The following CTCF variants were observed in gnomAD, a reference collection of about 807,000 sequenced individuals.
CTCF encodes the protein transcriptional repressor CTCF.
CTCF carries 7 observed loss-of-function variants against 72.3 expected under a neutral mutation model. The ratio of observed to expected loss-of-function variants is 0.10; its 90% CI spans 0.06 to 0.18. The LOEUF (loss-of-function observed/expected upper bound fraction) is 0.18, where lower values mean the gene tolerates loss of function less well. Among genes scored for constraint, CTCF ranks in the 10% least tolerant of loss-of-function variants. The pLI is 1.00. For synonymous variants in CTCF, 374 were observed against 315.8 expected (o/e 1.18, Z -1.95); for missense variants, 516 against 949.1 (o/e 0.54, Z 6.00).
intron 2 of CTCF, among the ~76,000 whole-genome samples, chr16:67,589,629 C>T (rs926913201): frequency 2.6e-5 from 4 of 152,146 alleles, no homozygotes; most frequent in African/African-American, 9.7e-5. Context: ...AAGGAGCTCC[C>T]TAAGAACTGA....
intron 3 of CTCF, 88 bp downstream of exon 3, chr16:67,611,701 C>T (rs918507738): frequency 4.6e-6 from 6 of 1,309,774 alleles, no homozygotes; most frequent in African/African-American, 1.5e-5. Context: ...TTTATATTAA[C>T]CGTATTTGTA....
chr16:67,607,304 G>T (rs2051987245), intron 2 of CTCF, among the ~76,000 whole-genome samples: 1 of 149,296 alleles, frequency 6.7e-6, no homozygotes, highest in Admixed American at 6.7e-5. Flanking sequence ...ATTTTTGTTT[G>T]TTTTTTATTT....
At chr16:67,634,386 T>G (rs2052402340) in intron 10 of CTCF, among the ~76,000 whole-genome samples, 1 of 152,072 alleles carries the variant, frequency 6.6e-6, no homozygotes, top group African/African-American at 2.4e-5. Context: ...TTTTGTATTT[T>G]TAGTAGAGAT....
At chr16:67,621,883 G>GCTT (rs2052204069) in intron 7 of CTCF, among the ~76,000 whole-genome samples, 1 of 151,184 alleles carries the variant, frequency 6.6e-6, no homozygotes, top group East Asian at 1.9e-4. Context: ...TTAATTAGTA[G>GCTT]CCTTCCTTCC....
At chr16:67,635,103 C>T (rs1320799535) in intron 10 of CTCF, among the ~76,000 whole-genome samples, 2 of 151,964 alleles carry the variant, frequency 1.3e-5, no homozygotes, top group Non-Finnish European at 2.9e-5. Flanking sequence ...CTCACTGCAA[C>T]CTCTGCCTCC....
At position 67,628,519 on chromosome 16, in the gene CTCF, C is replaced by G; in HGVS notation, c.1668C>G (p.Val556=). The change falls in exon 9 of 12, where the codon GTC becomes GTG. Residue 556 remains valine, a synonymous_variant. Coordinates refer to ENST00000264010, the MANE Select transcript of CTCF (RefSeq NM_006565.4). ...HDPNFVPAAF[V]CSKCGKTFTR... ...CCAACTTCGTCCCTGCGGCTTTTGTCTGTTCTAAGTGTGGGAAAACATTTA... is the reference window on the plus strand; with the variant it reads ...CCAACTTCGTCCCTGCGGCTTTTGTGTGTTCTAAGTGTGGGAAAACATTTA... The G allele has an allele frequency of 6.2e-7, 1 of 1,614,228 alleles. No homozygotes were observed. The highest frequency in any genetic ancestry group is 8.5e-7 in the Non-Finnish European group (1 of 1,180,052).
intron 2 of CTCF, among the ~76,000 whole-genome samples, chr16:67,593,227 A>C (rs953752862): frequency 6.6e-6 from 1 of 151,824 alleles, no homozygotes; most frequent in African/African-American, 2.4e-5. Context: ...TACATGTCCA[A>C]GTTTTTTTGT....
At chr16:67,569,360 A>G (rs985236552) in intron 1 of CTCF, among the ~76,000 whole-genome samples, 2 of 147,634 alleles carry the variant, frequency 1.4e-5, no homozygotes, top group Non-Finnish European at 3.0e-5. Flanking sequence ...TAATTTTTGT[A>G]TTTTTAGTAG....
chr16:67,578,043 C>T (rs1156918029), intron 2 of CTCF, among the ~76,000 whole-genome samples: 1 of 152,106 alleles, frequency 6.6e-6, no homozygotes, highest in Non-Finnish European at 1.5e-5. Context: ...TATTAATAGT[C>T]TGGTGTGTTG....
rs397751172 is a variant in CTCF, at chr16:67,621,767, T to TC, written c.1357+177dup. On this transcript the variant is annotated intron_variant, in intron 7 of 11. Coordinates refer to ENST00000264010, the MANE Select transcript of CTCF (RefSeq NM_006565.4). The stretch of plus-strand genomic sequence containing the variant: ...TAGCTGCTTTTTTTTTTTTTTTTTT[T>TC]CTATTTCTTCCTTTTCTTACTGTAG... Among the ~76,000 whole-genome samples, 53 of 149,876 alleles carry TC rather than the reference T, an allele frequency of 3.5e-4. 1 individual carries two copies. Among genetic ancestry groups the TC allele is most frequent in the African/African-American group, 1.2e-3 (47 of 40,738 alleles).
intron 2 of CTCF, among the ~76,000 whole-genome samples, chr16:67,576,576 T>C (rs1035172421): frequency 8.7e-5 from 12 of 138,344 alleles, no homozygotes; most frequent in Non-Finnish European, 1.8e-4. Context: ...TTTTTTGAGA[T>C]GGTGTCTCCC....
chr16:67,597,986 G>GA (rs2051836694), intron 2 of CTCF, among the ~76,000 whole-genome samples: 1 of 151,216 alleles, frequency 6.6e-6, no homozygotes, highest in Non-Finnish European at 1.5e-5. Context: ...GTTTTTCTTA[G>GA]TTTTTTTTTA....
At chr16:67,615,862 G>C (rs532609430) in intron 4 of CTCF, 4 of 152,294 alleles carry the variant, frequency 2.6e-5, no homozygotes, top group Admixed American at 2.6e-4. Context: ...CATTTCTGCA[G>C]ATGGCTGGTT....
At chr16:67,574,364 G>A (rs1415818319) in intron 2 of CTCF, among the ~76,000 whole-genome samples, 1 of 151,980 alleles carries the variant, frequency 6.6e-6, no homozygotes, top group Non-Finnish European at 1.5e-5. Context: ...TTATTTTTGA[G>A]ACAATCTCAC....
At chr16:67,630,746 C>A (rs1256400943) in intron 10 of CTCF, among the ~76,000 whole-genome samples, 1 of 151,972 alleles carries the variant, frequency 6.6e-6, no homozygotes, top group Non-Finnish European at 1.5e-5. Context: ...CGAAGTGAGA[C>A]CTTGTCTCCA....
At chr16:67,585,348 C>T (rs1006869541) in intron 2 of CTCF, among the ~76,000 whole-genome samples, 1 of 152,210 alleles carries the variant, frequency 6.6e-6, no homozygotes. Context: ...CCGTGCCCGT[C>T]TTACACATGT....
In CTCF at chr16:67,563,027, C is replaced by T. The variant is rs372592849; in HGVS notation, c.-127+303C>T. Among the ~76,000 whole-genome samples, 7 of 150,634 alleles carry T rather than the reference C, an allele frequency of 4.6e-5. No individual in the cohort carries two copies. The South Asian group carries it at 6.3e-4, about 14-fold the overall frequency. On this transcript the variant is annotated intron_variant, in intron 1 of 11. Transcript: ENST00000264010. ...CGCGCCCGGCGACTCCATTTTCCTT[C>T]CTTTGTCTGCCCTCGAGGCCGGTTC...
intron 4 of CTCF, chr16:67,615,610 G>C (rs530837368): frequency 6.6e-6 from 1 of 152,138 alleles, no homozygotes; most frequent in African/African-American, 2.4e-5. Flanking sequence ...GAAGACCCTG[G>C]CTCAAAAACA....
At chr16:67,614,602 C>G (rs1453641803) in intron 4 of CTCF, 1 of 151,504 alleles carries the variant, frequency 6.6e-6, no homozygotes, top group African/African-American at 2.4e-5. Context: ...CACTTTGGCA[C>G]TTTGGGAGGC....
Sources: allele counts gnomAD v4.1 joint callset (sites outside exome capture counted in the v4.1 genomes callset), GRCh38; gene constraint gnomAD v4.1.1; transcripts MANE v1.5; gene names NCBI Gene and HGNC (gene_info 2026-07-23, HGNC 2026-07-21).